Variants in MGAT5 observed in about 807,000 individuals in gnomAD.
MGAT5 encodes alpha-1,6-mannosylglycoprotein 6-beta-N-acetylglucosaminyltransferase A.
In MGAT5, 30 loss-of-function variants were observed where a neutral mutation model predicts 94.3. That is an observed-to-expected ratio of 0.32 (90% CI 0.24 to 0.43). MGAT5 has a LOEUF of 0.43. Among genes scored for constraint, MGAT5 ranks in the 20% least tolerant of loss-of-function variants. The pLI is 1.00. For missense variants in MGAT5, 691 were observed against 905.5 expected, an observed-to-expected ratio of 0.76 and a Z score of 3.04; for synonymous variants, 310 against 322.9, an observed-to-expected ratio of 0.96 and a Z score of 0.43.
chr2:134,160,249 C>T (rs539098484), intron 1 of MGAT5, among the ~76,000 whole-genome samples: 2 of 152,198 alleles, frequency 1.3e-5, no homozygotes, highest in South Asian at 2.1e-4. Context: ...TCTCGGCTCA[C>T]TGCAAGCTCC....
chr2:134,173,413 C>T (rs184651239), intron 1 of MGAT5, among the ~76,000 whole-genome samples: 5 of 152,212 alleles, frequency 3.3e-5, no homozygotes, highest in Admixed American at 6.5e-5. Context: ...GCCCTGCCAC[C>T]CATTGCTGTG....
chr2:134,372,826 C>G (rs929671314), intron 10 of MGAT5, among the ~76,000 whole-genome samples: 1 of 152,246 alleles, frequency 6.6e-6, no homozygotes, highest in African/African-American at 2.4e-5. Context: ...ATCACTGCAG[C>G]TGTGAGAAGA....
intron 1 of MGAT5, among the ~76,000 whole-genome samples, chr2:134,255,510 T>C (rs547486029): frequency 1.5e-4 from 22 of 150,406 alleles, no homozygotes; most frequent in African/African-American, 5.1e-4. Flanking sequence ...TATATACACA[T>C]ATATATATAC....
intron 14 of MGAT5, among the ~76,000 whole-genome samples, chr2:134,438,285 T>C (rs1345580820): frequency 6.6e-6 from 1 of 152,222 alleles, no homozygotes; most frequent in Admixed American, 6.5e-5. Flanking sequence ...TATATGTAAA[T>C]ATTCCAAAAT....
chr2:134,186,087 A>G (rs528878963), intron 1 of MGAT5, among the ~76,000 whole-genome samples: 22 of 152,374 alleles, frequency 1.4e-4, no homozygotes, highest in Admixed American at 1.3e-3. Flanking sequence ...TGAGGGAAAG[A>G]AAGCAAGAGA....
intron 4 of MGAT5, among the ~76,000 whole-genome samples, chr2:134,329,752 A>G (rs1045615385): frequency 2.6e-5 from 4 of 152,028 alleles, no homozygotes; most frequent in Admixed American, 1.3e-4. Context: ...CTCCTAGTAC[A>G]TCGCAACTTT....
At chr2:134,201,469 G>C (rs899452700) in intron 1 of MGAT5, among the ~76,000 whole-genome samples, 2 of 152,164 alleles carry the variant, frequency 1.3e-5, no homozygotes, top group African/African-American at 2.4e-5. Context: ...TGGGAGGGAA[G>C]ATGGGATAAT....
intron 1 of MGAT5, among the ~76,000 whole-genome samples, chr2:134,143,919 G>A (rs1686783037): frequency 6.6e-6 from 1 of 152,152 alleles, no homozygotes; most frequent in Non-Finnish European, 1.5e-5. Flanking sequence ...ATAGGGATGT[G>A]GGGGAGAAGA....
chr2:134,260,144 G>T (rs2105554152), intron 1 of MGAT5, among the ~76,000 whole-genome samples: 1 of 152,336 alleles, frequency 6.6e-6, no homozygotes, highest in East Asian at 1.9e-4. Flanking sequence ...GGCATGGAAG[G>T]TGTTGAGGCA....
chr2:134,407,232 C>T (rs1156303807), intron 11 of MGAT5, among the ~76,000 whole-genome samples: 1 of 152,174 alleles, frequency 6.6e-6, no homozygotes, highest in East Asian at 1.9e-4. Context: ...GAGCTTGCTT[C>T]CTTAGGAGGA....
intron 1 of MGAT5, among the ~76,000 whole-genome samples, chr2:134,247,557 T>C (rs1213758023): frequency 6.6e-6 from 1 of 152,154 alleles, no homozygotes; most frequent in African/African-American, 2.4e-5. Context: ...GTCAAACTTT[T>C]TTTGAAAAAT....
At chr2:134,226,345 T>C (rs1285223650) in intron 1 of MGAT5, among the ~76,000 whole-genome samples, 2 of 152,224 alleles carry the variant, frequency 1.3e-5, no homozygotes, top group Non-Finnish European at 1.5e-5. Context: ...ACATATCTCC[T>C]TTTTGTCCAT....
intron 1 of MGAT5, among the ~76,000 whole-genome samples, chr2:134,263,522 A>G (rs537226247): frequency 6.6e-5 from 10 of 152,338 alleles, no homozygotes; most frequent in Admixed American, 3.9e-4. Context: ...TAATTGTTTT[A>G]TGCCCTTTTC....
At chr2:134,337,205 C>T (rs1309183742) in intron 5 of MGAT5, among the ~76,000 whole-genome samples, 2 of 152,120 alleles carry the variant, frequency 1.3e-5, no homozygotes, top group African/African-American at 4.8e-5. Flanking sequence ...CTGGATGTGG[C>T]GGCTCATGCC....
chr2:134,414,368 T>A (rs1018351905), intron 12 of MGAT5, among the ~76,000 whole-genome samples: 4 of 152,196 alleles, frequency 2.6e-5, no homozygotes, highest in Non-Finnish European at 5.9e-5. Flanking sequence ...TTTAAAAAGA[T>A]GCTGCCCAGC....
intron 12 of MGAT5, 93 bp downstream of exon 12, chr2:134,413,108 T>C (rs1683765113): frequency 4.9e-6 from 7 of 1,419,500 alleles, no homozygotes; most frequent in Middle Eastern, 1.8e-4. Flanking sequence ...TCTAACATGA[T>C]TGGGTGGGAG....
chr2:134,262,778 A>T (rs1683417787), intron 1 of MGAT5, among the ~76,000 whole-genome samples: 1 of 152,180 alleles, frequency 6.6e-6, no homozygotes, highest in African/African-American at 2.4e-5. Flanking sequence ...ATAACTGTTC[A>T]TGTAGATCTG....
chr2:134,186,494 T>C (rs1689040370), intron 1 of MGAT5, among the ~76,000 whole-genome samples: 1 of 152,208 alleles, frequency 6.6e-6, no homozygotes, highest in Admixed American at 6.5e-5. Context: ...GGAGCACTTG[T>C]TGGCCTTTTT....
intron 1 of MGAT5, among the ~76,000 whole-genome samples, chr2:134,159,260 G>C (rs7595763): frequency 0.083 from 12,438 of 149,094 alleles, 672 homozygotes; most frequent in Middle Eastern, 0.15. Flanking sequence ...CCTGTAAAAG[G>C]CCCCAGGATT....
Sources: allele counts gnomAD v4.1 joint callset (sites outside exome capture counted in the v4.1 genomes callset), GRCh38; gene constraint gnomAD v4.1.1; transcripts MANE v1.5; gene names NCBI Gene and HGNC (gene_info 2026-07-23, HGNC 2026-07-21).